PODXL: variants seen among roughly 807,000 people sequenced by gnomAD.
PODXL encodes podocalyxin.
Under a neutral mutation model 48.9 loss-of-function variants are expected in PODXL, and 20 were observed. The observed-to-expected ratio is 0.41, with a 90% confidence interval of 0.29 to 0.59. PODXL has a LOEUF of 0.59. Among genes scored for constraint, PODXL ranks in the 20% least tolerant of loss-of-function variants. PODXL has a pLI of 0.31. For synonymous variants in PODXL, 295 were observed against 287.4 expected, an observed-to-expected ratio of 1.03 and a Z score of -0.27; for missense variants, 606 against 675.1, an observed-to-expected ratio of 0.90 and a Z score of 1.13.
rs759943507 is a variant in PODXL, at chr7:131,527,900, CTTTTTTTTTTT to C, written c.101-16478_101-16468del. Among the ~76,000 whole-genome samples, 14 of 116,528 alleles carry C rather than the reference CTTTTTTTTTTT, an allele frequency of 1.2e-4. No individual in the cohort carries two copies. In the East Asian group the frequency reaches 1.2e-3, roughly 10 times the overall value. The allele number at this position is 116,528 out of a possible 152,430, so 76.4% of individuals were successfully genotyped here. ...TTGGCCTTCACTGGATAGTCAGACA[CTTTTTTTTTTT>C]TTTTTTTTTTGAGAGGGAGTCTTGC... On this transcript the variant is annotated intron_variant, in intron 1 of 8. Transcript: ENST00000378555.
intron 1 of PODXL, among the ~76,000 whole-genome samples, chr7:131,535,323 G>A (rs900474230): frequency 1.3e-5 from 2 of 152,126 alleles, no homozygotes; most frequent in Admixed American, 1.3e-4. Flanking sequence ...CCTAAAAATG[G>A]TTATTACAGT....
Position 131,502,585 on chromosome 7 carries a change from C to T in PODXL, c.*1726G>A, listed in dbSNP as rs1226485383. 3 of 152,198 alleles carry T rather than the reference C, an allele frequency of 2.0e-5. No individual in the cohort carries two copies. Among genetic ancestry groups the T allele is most frequent in the Non-Finnish European group, 4.4e-5 (3 of 68,082 alleles). 9.4% of individuals were successfully genotyped at this position (152,198 alleles called of 1,614,324 possible). On this transcript the variant is annotated 3_prime_UTR_variant, in exon 9 of 9. Transcript: ENST00000378555. ...GAGCTACTACAGCCGGAGCCTGACT[C>T]TTAAGACCCTGGAGGTGTGGCGTTT...
intron 1 of PODXL, among the ~76,000 whole-genome samples, chr7:131,511,940 AG>A (rs1476682227): frequency 6.6e-6 from 1 of 152,116 alleles, no homozygotes; most frequent in Non-Finnish European, 1.5e-5. Context: ...ACCAGCTGCC[AG>A]GAACACCTCT....
chr7:131,526,822 G>C (rs931908221), intron 1 of PODXL, among the ~76,000 whole-genome samples: 3 of 134,660 alleles, frequency 2.2e-5, no homozygotes, highest in Non-Finnish European at 3.0e-5. Context: ...TATAGCCTCC[G>C]CCTCCTGGGT....
intron 1 of PODXL, among the ~76,000 whole-genome samples, chr7:131,522,295 AC>A (rs1798104357): frequency 6.6e-6 from 1 of 152,156 alleles, no homozygotes; most frequent in Non-Finnish European, 1.5e-5. Context: ...TACTAAAAAT[AC>A]AAAAAATTAG....
intron 1 of PODXL, among the ~76,000 whole-genome samples, chr7:131,546,565 A>G (rs1442637721): frequency 2.6e-5 from 4 of 151,810 alleles, no homozygotes; most frequent in African/African-American, 2.4e-5. Context: ...ATCTCTACTA[A>G]AAATCCCAAA....
At chr7:131,509,248 C>T in intron 4 of PODXL, 117 bp downstream of exon 4, 1 of 898,604 alleles carries the variant, frequency 1.1e-6, no homozygotes, top group Non-Finnish European at 1.8e-6. Flanking sequence ...TGGGTAAGTG[C>T]TGCTCAAAGC....
At chr7:131,539,914 G>C (rs1383902992) in intron 1 of PODXL, among the ~76,000 whole-genome samples, 1 of 152,188 alleles carries the variant, frequency 6.6e-6, no homozygotes, top group Non-Finnish European at 1.5e-5. Flanking sequence ...TTATCCTCAT[G>C]ACTGTAAACT....
At chr7:131,511,523 G>A (rs1187989519) in intron 1 of PODXL, 90 bp from the exon 2 acceptor site, 4 of 1,369,928 alleles carry the variant, frequency 2.9e-6, no homozygotes, top group East Asian at 4.6e-5. Context: ...CAGAGGCCTT[G>A]CTCGCAGCCC....
chr7:131,506,356 C>T (rs375521459), intron 6 of PODXL, 35 bp from the exon 7 acceptor site: 1 of 1,610,382 alleles, frequency 6.2e-7, no homozygotes, highest in Non-Finnish European at 8.5e-7. Flanking sequence ...AATGGCCCAG[C>T]CCAGAGCGAG....
chr7:131,546,586 C>T (rs1798579012), intron 1 of PODXL, among the ~76,000 whole-genome samples: 1 of 151,930 alleles, frequency 6.6e-6, no homozygotes, highest in African/African-American at 2.4e-5. Flanking sequence ...ATCAGCTGGG[C>T]TTGGGGGCAG....
chr7:131,532,138 C>A (rs1234093150), intron 1 of PODXL, among the ~76,000 whole-genome samples: 6 of 143,488 alleles, frequency 4.2e-5, no homozygotes, highest in Non-Finnish European at 7.5e-5. Context: ...TCATCATCAT[C>A]ATCATCATCA....
intron 1 of PODXL, among the ~76,000 whole-genome samples, chr7:131,532,483 C>A (rs949118317): frequency 1.4e-5 from 2 of 145,824 alleles, no homozygotes; most frequent in African/African-American, 2.5e-5. Context: ...AATAATCACA[C>A]GTTCCAGAGA....
intron 1 of PODXL, among the ~76,000 whole-genome samples, chr7:131,553,663 A>C (rs950303158): frequency 3.3e-5 from 5 of 152,210 alleles, no homozygotes; most frequent in African/African-American, 1.2e-4. Flanking sequence ...TCTCTGACCC[A>C]AAGTCTGAGT....
Position 131,506,247 on chromosome 7 carries a change from G to C in PODXL, c.1311+13C>G. ...CGGAGCCACTCTGTCCCCACACTTGGGGGGCCGCTTACCTCCTTTAGTTCA... is the reference window on the plus strand; with the variant it reads ...CGGAGCCACTCTGTCCCCACACTTGCGGGGCCGCTTACCTCCTTTAGTTCA... On this transcript the variant is annotated intron_variant, in intron 7 of 8. Transcript: ENST00000378555. The C allele has an allele frequency of 1.2e-6, 2 of 1,613,758 alleles. No homozygotes were observed. Among genetic ancestry groups the C allele is most frequent in the Non-Finnish European group, 1.7e-6 (2 of 1,179,640 alleles).
At chr7:131,523,699 A>C (rs1218857535) in intron 1 of PODXL, among the ~76,000 whole-genome samples, 81 of 103,686 alleles carry the variant, frequency 7.8e-4, no homozygotes, top group Admixed American at 3.2e-3. Context: ...AAAAAAAAAA[A>C]AAACAAGAAA....
chr7:131,546,230 CTGAGAAAGGAA>C (rs1451307153), intron 1 of PODXL, among the ~76,000 whole-genome samples: 6 of 152,100 alleles, frequency 3.9e-5, no homozygotes, highest in African/African-American at 7.2e-5. Flanking sequence ...GTTGGATGAT[CTGAGAAAGGAA>C]AGTGAAAGGG....
chr7:131,511,517 G>T, intron 1 of PODXL, 84 bp from the exon 2 acceptor site: 1 of 1,427,286 alleles, frequency 7.0e-7, no homozygotes, highest in Non-Finnish European at 9.6e-7. Context: ...AGGATTCAGA[G>T]GCCTTGCTCG....
At chr7:131,545,004 G>A (rs780633514) in intron 1 of PODXL, among the ~76,000 whole-genome samples, 2 of 152,118 alleles carry the variant, frequency 1.3e-5, no homozygotes, top group Non-Finnish European at 2.9e-5. Context: ...ACAGGATGAC[G>A]GGACTCAGGA....
Sources: gnomAD v4.1 joint callset for allele counts (sites outside exome capture counted in the v4.1 genomes callset) on GRCh38, gnomAD v4.1.1 for gene constraint, MANE v1.5 for transcripts, NCBI Gene and HGNC (gene_info 2026-07-23, HGNC 2026-07-21) for gene names.